The following ASIC2 variants were observed in gnomAD, a reference collection of about 807,000 sequenced individuals.
The protein encoded by ASIC2 is acid-sensing ion channel 2.
In ASIC2, 25 loss-of-function variants were observed where a neutral mutation model predicts 57.3. That is an observed-to-expected ratio of 0.44 (90% CI 0.32 to 0.61). The LOEUF (loss-of-function observed/expected upper bound fraction) is 0.61, where lower values mean the gene tolerates loss of function less well. Among genes scored for constraint, ASIC2 ranks in the 20% least tolerant of loss-of-function variants. The pLI, the probability that ASIC2 is intolerant of heterozygous loss-of-function variation, is 0.06. For synonymous variants in ASIC2, 319 were observed against 307.5 expected, an observed-to-expected ratio of 1.04 and a Z score of -0.39; for missense variants, 641 against 738.1, an observed-to-expected ratio of 0.87 and a Z score of 1.52.
At chr17:33,056,159 G>A (rs1052863179) in intron 3 of ASIC2, among the ~76,000 whole-genome samples, 8 of 152,188 alleles carry the variant, frequency 5.3e-5, no homozygotes, top group Non-Finnish European at 7.4e-5. Flanking sequence ...GGTGGGGCTA[G>A]GCTTCAGTTT....
intron 3 of ASIC2, among the ~76,000 whole-genome samples, chr17:33,040,545 G>GGT (rs1210379545): frequency 6.6e-6 from 1 of 152,228 alleles, no homozygotes; most frequent in African/African-American, 2.4e-5. Context: ...CAGGACAGAT[G>GGT]GTGGTAGGTG....
chr17:33,528,636 T>C (rs1914960439), intron 1 of ASIC2, among the ~76,000 whole-genome samples: 1 of 152,000 alleles, frequency 6.6e-6, no homozygotes, highest in African/African-American at 2.4e-5. Context: ...TCATCCCGCA[T>C]CCAACTCAAA....
intron 1 of ASIC2, among the ~76,000 whole-genome samples, chr17:33,546,464 A>G (rs1348791168): frequency 6.6e-6 from 1 of 152,178 alleles, no homozygotes; most frequent in Non-Finnish European, 1.5e-5. Flanking sequence ...GCACCCGAGT[A>G]TGATGAAAGA....
chr17:33,970,732 G>A (rs74887187), intron 1 of ASIC2, among the ~76,000 whole-genome samples: 10 of 152,176 alleles, frequency 6.6e-5, no homozygotes, highest in South Asian at 2.1e-4. Context: ...TAAGAAATGC[G>A]GTGAGCACAC....
At chr17:33,094,405 C>T (rs1428552519) in intron 2 of ASIC2, among the ~76,000 whole-genome samples, 6 of 152,118 alleles carry the variant, frequency 3.9e-5, no homozygotes, top group Non-Finnish European at 7.4e-5. Flanking sequence ...GGGGTGGTAA[C>T]GGCTCTCCCT....
intron 1 of ASIC2, among the ~76,000 whole-genome samples, chr17:33,724,655 T>C (rs1270120680): frequency 6.6e-6 from 1 of 152,174 alleles, no homozygotes; most frequent in Non-Finnish European, 1.5e-5. Flanking sequence ...AGCCAATTAC[T>C]GGGATGGGAA....
intron 1 of ASIC2, among the ~76,000 whole-genome samples, chr17:33,864,483 C>T: frequency 6.6e-6 from 1 of 152,188 alleles, no homozygotes; most frequent in East Asian, 1.9e-4. Flanking sequence ...CAACCAGTTC[C>T]TCTCACTCTC....
chr17:33,601,789 C>T (rs531245019), intron 1 of ASIC2, among the ~76,000 whole-genome samples: 3 of 152,330 alleles, frequency 2.0e-5, no homozygotes, highest in Non-Finnish European at 4.4e-5. Context: ...ATGGGGCTGC[C>T]TGAGGCGTTA....
intron 1 of ASIC2, among the ~76,000 whole-genome samples, chr17:33,913,280 G>C (rs769435502): frequency 7.2e-5 from 11 of 152,066 alleles, no homozygotes; most frequent in Non-Finnish European, 1.5e-4. Context: ...TATTTTCTCA[G>C]AATTTGTTCT....
At chr17:33,432,233 T>C (rs1911444630) in intron 1 of ASIC2, among the ~76,000 whole-genome samples, 1 of 152,204 alleles carries the variant, frequency 6.6e-6, no homozygotes, top group South Asian at 2.1e-4. Flanking sequence ...ACTTTTATAA[T>C]GGCCAGGTGT....
rs529917295 is a variant in ASIC2 at position 33,205,785 on chromosome 17, TG to T, written c.708+85622del. ...CAGAGCTCCCGGCATGCCGCAGGGC[TG>T]GGACTGCGCTGGCTGTGCCGTTTCT... is the stretch of plus-strand genomic sequence containing the variant. On this transcript the variant is annotated intron_variant, in intron 1 of 9. Coordinates refer to ENST00000225823, the MANE Select transcript of ASIC2 (RefSeq NM_183377.2). Among the ~76,000 whole-genome samples the T allele has an allele frequency of 7.0e-4, 106 of 152,300 alleles. 1 individual carries two copies. Among genetic ancestry groups the T allele is most frequent in the Middle Eastern group, 3.4e-3 (1 of 294 alleles).
chr17:34,142,934 C>A (rs951047892), intron 1 of ASIC2: 1 of 152,162 alleles, frequency 6.6e-6, no homozygotes, highest in Non-Finnish European at 1.5e-5. Context: ...CAAGTGTTAC[C>A]CTGGCAAGAA....
At chr17:34,032,173 ACT>A (rs1176105667) in intron 1 of ASIC2, among the ~76,000 whole-genome samples, 9 of 152,160 alleles carry the variant, frequency 5.9e-5, no homozygotes, top group African/African-American at 1.2e-4. Context: ...CTTGGCAGAA[ACT>A]CTACAAGCCA....
At chr17:33,994,405 C>T (rs142674088) in intron 1 of ASIC2, among the ~76,000 whole-genome samples, 1 of 152,098 alleles carries the variant, frequency 6.6e-6, no homozygotes, top group Non-Finnish European at 1.5e-5. Context: ...CAAAGTAGAC[C>T]GTCAGAAGTC....
chr17:33,245,368 C>A (rs1908653555), intron 1 of ASIC2, among the ~76,000 whole-genome samples: 1 of 152,180 alleles, frequency 6.6e-6, no homozygotes, highest in South Asian at 2.1e-4. Flanking sequence ...TTGGGTTAAA[C>A]ATCTGCTCTC....
At chr17:33,020,814 C>T (rs542828622) in intron 7 of ASIC2, among the ~76,000 whole-genome samples, 1 of 152,232 alleles carries the variant, frequency 6.6e-6, no homozygotes, top group East Asian at 1.9e-4. Context: ...CTTTGACCAC[C>T]CACAGTTCAG....
intron 1 of ASIC2, among the ~76,000 whole-genome samples, chr17:33,214,631 A>G (rs1022137878): frequency 3.3e-5 from 5 of 152,094 alleles, no homozygotes; most frequent in Non-Finnish European, 7.3e-5. Context: ...TCTTGTTGAA[A>G]TGCAGATTCT....
intron 1 of ASIC2, among the ~76,000 whole-genome samples, chr17:33,654,061 A>C (rs1907004261): frequency 6.6e-6 from 1 of 152,152 alleles, no homozygotes; most frequent in Admixed American, 6.5e-5. Context: ...TATTTAACAT[A>C]CTCAGTGAAC....
chr17:33,552,778 T>A (rs569838230), intron 1 of ASIC2, among the ~76,000 whole-genome samples: 58 of 152,380 alleles, frequency 3.8e-4, no homozygotes, highest in African/African-American at 1.4e-3. Flanking sequence ...AGTTACGTAC[T>A]GAGTTCCAGA....
Sources: allele counts gnomAD v4.1 joint callset (sites outside exome capture counted in the v4.1 genomes callset), GRCh38; gene constraint gnomAD v4.1.1; transcripts MANE v1.5; gene names NCBI Gene and HGNC (gene_info 2026-07-23, HGNC 2026-07-21).